PLCB1: variants seen among roughly 807,000 people sequenced by gnomAD.
PLCB1 encodes phospholipase C beta 1.
PLCB1 carries 46 observed loss-of-function variants against 161.8 expected under a neutral mutation model. That is an observed-to-expected ratio of 0.28 (90% confidence interval 0.22 to 0.36). PLCB1 has a LOEUF of 0.36. PLCB1 is among the 10% of genes least tolerant of loss of function. PLCB1 has a pLI of 1.00. For synonymous variants in PLCB1, 517 were observed against 503.7 expected, an observed-to-expected ratio of 1.03 and a Z score of -0.35; for missense variants, 1,016 against 1,472.5, an observed-to-expected ratio of 0.69 and a Z score of 5.07.
chr20:8,651,644 G>T, intron 7 of PLCB1: 1 of 578,434 alleles, frequency 1.7e-6, no homozygotes, highest in Non-Finnish European at 3.1e-6. Flanking sequence ...AGAATATGGT[G>T]GTGAAGAAAA....
chr20:8,450,482 C>T (rs911483377), intron 3 of PLCB1, among the ~76,000 whole-genome samples: 2 of 151,962 alleles, frequency 1.3e-5, no homozygotes, highest in Non-Finnish European at 2.9e-5. Context: ...CAGGGCAGTG[C>T]TGGAATGTGG....
At chr20:8,556,489 A>G (rs1171352692) in intron 3 of PLCB1, among the ~76,000 whole-genome samples, 1 of 152,102 alleles carries the variant, frequency 6.6e-6, no homozygotes, top group Non-Finnish European at 1.5e-5. Flanking sequence ...AAGATTCCTT[A>G]TAATAGAAAA....
chr20:8,168,013 C>A (rs1198928016), intron 2 of PLCB1, among the ~76,000 whole-genome samples: 1 of 152,142 alleles, frequency 6.6e-6, no homozygotes, highest in Non-Finnish European at 1.5e-5. Context: ...TGACTTGTAT[C>A]TGTCCCATGT....
At chr20:8,571,624 T>G (rs1986521108) in intron 3 of PLCB1, among the ~76,000 whole-genome samples, 1 of 152,098 alleles carries the variant, frequency 6.6e-6, no homozygotes, top group South Asian at 2.1e-4. Flanking sequence ...AATAGAGGAT[T>G]GAGAGGAATG....
intron 31 of PLCB1, among the ~76,000 whole-genome samples, chr20:8,824,631 C>A (rs1307362496): frequency 1.3e-5 from 2 of 152,080 alleles, no homozygotes; most frequent in African/African-American, 4.8e-5. Flanking sequence ...TTCTGGCCAC[C>A]AGAATTGGAT....
At chr20:8,315,880 C>A (rs144286384) in intron 2 of PLCB1, among the ~76,000 whole-genome samples, 1 of 152,126 alleles carries the variant, frequency 6.6e-6, no homozygotes, top group Admixed American at 6.5e-5. Flanking sequence ...CTGTGTTAAC[C>A]GTTGACCACT....
At chr20:8,644,775 T>G (rs1989107661) in intron 4 of PLCB1, among the ~76,000 whole-genome samples, 1 of 150,592 alleles carries the variant, frequency 6.6e-6, no homozygotes, top group Non-Finnish European at 1.5e-5. Flanking sequence ...CGGCCGCCCC[T>G]ACTGGGAAGT....
intron 2 of PLCB1, among the ~76,000 whole-genome samples, chr20:8,267,296 A>G (rs1478691881): frequency 6.6e-6 from 1 of 152,116 alleles, no homozygotes; most frequent in Non-Finnish European, 1.5e-5. Flanking sequence ...ACTGAGTCCT[A>G]TGGAGAACTG....
intron 9 of PLCB1, among the ~76,000 whole-genome samples, chr20:8,666,421 G>GA (rs940679393): frequency 1.7e-4 from 26 of 150,666 alleles, no homozygotes; most frequent in African/African-American, 5.4e-4. Flanking sequence ...AGCATTGAGA[G>GA]AAAAAAAAAT....
chr20:8,772,365 C>G (rs1020386249), intron 26 of PLCB1, among the ~76,000 whole-genome samples: 1 of 152,198 alleles, frequency 6.6e-6, no homozygotes, highest in Non-Finnish European at 1.5e-5. Context: ...TGCTGTGTTG[C>G]TCTTAAGAGC....
chr20:8,495,677 G>A (rs1340481812), intron 3 of PLCB1, among the ~76,000 whole-genome samples: 1 of 151,724 alleles, frequency 6.6e-6, no homozygotes, highest in Non-Finnish European at 1.5e-5. Context: ...GATTACAGGC[G>A]TGAGCCACCG....
At chr20:8,535,554 G>A (rs186079413) in intron 3 of PLCB1, among the ~76,000 whole-genome samples, 107 of 152,252 alleles carry the variant, frequency 7.0e-4, no homozygotes, top group African/African-American at 2.5e-3. Context: ...CCAGGATAGA[G>A]GATTGATTAG....
intron 2 of PLCB1, among the ~76,000 whole-genome samples, chr20:8,352,683 T>A (rs1467428992): frequency 6.6e-6 from 1 of 152,026 alleles, no homozygotes; most frequent in African/African-American, 2.4e-5. Context: ...ATGAATGGAA[T>A]CTGTGAAACT....
chr20:8,350,298 T>G (rs530415736), intron 2 of PLCB1, among the ~76,000 whole-genome samples: 14 of 152,192 alleles, frequency 9.2e-5, no homozygotes, highest in Non-Finnish European at 1.9e-4. Context: ...TGTGTCCATG[T>G]GTACTCATCA....
At chr20:8,764,990 T>A in intron 25 of PLCB1, 149 bp from the exon 26 acceptor site, 1 of 644,298 alleles carries the variant, frequency 1.6e-6, no homozygotes, top group Non-Finnish European at 2.7e-6. Context: ...AGAGCCAGAC[T>A]GGAACCCAGG....
intron 2 of PLCB1, among the ~76,000 whole-genome samples, chr20:8,253,433 C>T (rs1217224067): frequency 6.6e-6 from 1 of 151,940 alleles, no homozygotes; most frequent in African/African-American, 2.4e-5. Context: ...CAATACGAGA[C>T]TGACATATTT....
chr20:8,786,974 G>A (rs557513536), intron 27 of PLCB1, among the ~76,000 whole-genome samples: 4 of 152,252 alleles, frequency 2.6e-5, no homozygotes, highest in South Asian at 4.1e-4. Flanking sequence ...CAAAGTGCTG[G>A]AATTAAAGTG....
chr20:8,827,440 G>A (rs1305598058), intron 31 of PLCB1, among the ~76,000 whole-genome samples: 2 of 152,172 alleles, frequency 1.3e-5, no homozygotes, highest in Non-Finnish European at 2.9e-5. Flanking sequence ...CAAGAGATAA[G>A]ACCATTTTTT....
chr20:8,214,466 T>G (rs1979010394), intron 2 of PLCB1, among the ~76,000 whole-genome samples: 1 of 152,110 alleles, frequency 6.6e-6, no homozygotes, highest in Admixed American at 6.6e-5. Context: ...GATTGTAACC[T>G]TCCTGAGGCC....
Sources: gnomAD v4.1 joint callset for allele counts (sites outside exome capture counted in the v4.1 genomes callset) on GRCh38, gnomAD v4.1.1 for gene constraint, MANE v1.5 for transcripts, NCBI Gene and HGNC (gene_info 2026-07-23, HGNC 2026-07-21) for gene names.